Variants in PIK3CD observed in about 807,000 individuals in gnomAD.
PIK3CD encodes phosphatidylinositol 4,5-bisphosphate 3-kinase catalytic subunit delta isoform.
PIK3CD carries 20 observed loss-of-function variants against 122.9 expected under a neutral mutation model. That is an observed-to-expected ratio of 0.16 (90% CI 0.11 to 0.24). PIK3CD has a LOEUF of 0.24. PIK3CD is among the 10% of genes least tolerant of loss of function. The pLI, the probability that PIK3CD is intolerant of heterozygous loss-of-function variation, is 1.00. For missense variants in PIK3CD, 787 were observed against 1,406.3 expected (o/e 0.56, Z 7.04); for synonymous variants, 596 against 593.4 (o/e 1.00, Z -0.06).
the PIK3CD span, among the ~76,000 whole-genome samples, chr1:9,641,142 C>T: frequency 6.6e-6 from 1 of 152,094 alleles, no homozygotes; most frequent in African/African-American, 2.4e-5. Flanking sequence ...CAGGGGGTTG[C>T]GGGGGCGGCA....
At position 9,716,709 on chromosome 1, in the gene PIK3CD, C is replaced by T. The variant is rs1647521360; in HGVS notation, c.780+90C>T. ...TCGGGGAGCTGACATTTGGGCGCAC[C>T]TTGAGCCTGCCGAGCCAGGCCTTTG... On this transcript the variant is annotated intron_variant, in intron 6 of 23. Coordinates refer to ENST00000377346, the MANE Select transcript of PIK3CD (RefSeq NM_005026.5). The T allele has an allele frequency of 4.3e-6, 6 of 1,385,246 alleles. No homozygotes were observed. The Admixed American group carries it at 9.8e-5, about 23-fold the overall frequency. The allele number at this position is 1,385,246 out of a possible 1,614,324, so 85.8% of individuals were successfully genotyped here.
chr1:9,715,350 A>G lies in PIK3CD; in HGVS notation c.142-191A>G, dbSNP rs1647255274. Among the ~76,000 whole-genome samples, 9 of 152,188 alleles carry G rather than the reference A, an allele frequency of 5.9e-5. No homozygotes were observed. Among genetic ancestry groups the G allele is most frequent in the Admixed American group, 5.9e-4 (9 of 15,282 alleles). On this transcript the variant is annotated intron_variant, in intron 3 of 23. Transcript: ENST00000377346. This position sits in a 1 kb window ranked among gnomAD's most constrained non-coding sequence, Gnocchi z 4.1. Reference sequence around the variant, plus strand: ...CTCCCAGGTGCCCCCACAGAAGGGCATCAGTGGAGAAGCCTGTCCACCCAT... The same window carrying G: ...CTCCCAGGTGCCCCCACAGAAGGGCGTCAGTGGAGAAGCCTGTCCACCCAT...
At position 9,682,652 on chromosome 1, in the gene PIK3CD, C is replaced by T. The variant is rs140076654; in HGVS notation, c.-137-8815C>T. On this transcript the variant is annotated intron_variant, in intron 1 of 23. Coordinates refer to ENST00000377346, the MANE Select transcript of PIK3CD (RefSeq NM_005026.5). ...GCCATCTCCGCCTCCTGGGTTCAAG[C>T]GATTTTCCTGCCTCAGCTTCCCGAG... Among the ~76,000 whole-genome samples the T allele has an allele frequency of 1.3e-3, 195 of 152,220 alleles. 1 individual carries two copies. The highest frequency in any genetic ancestry group is 4.5e-3 in the African/African-American group (186 of 41,538).
In PIK3CD at chr1:9,722,412, GC is replaced by G; in HGVS notation, c.2347+57del. On this transcript the variant is annotated intron_variant, in intron 18 of 23. Transcript: ENST00000377346. The surrounding 1 kb of genome is among the most constrained non-coding windows in gnomAD (Gnocchi z 7.6). ...GTACTGCCCTGGGGGGTCCTGGGGT[GC>G]TCCTAGAGTGGGGGTGGAGAAGACA... 1 of 1,558,088 alleles carries G rather than the reference GC, an allele frequency of 6.4e-7. No homozygotes were observed. The highest frequency in any genetic ancestry group is 1.1e-5 in the South Asian group (1 of 89,490).
At chr1:9,726,861 C>G in intron 23 of PIK3CD, 48 bp from the exon 24 acceptor site, 1 of 1,612,488 alleles carries the variant, frequency 6.2e-7, no homozygotes, top group South Asian at 1.1e-5. Context: ...CATCCCAGAG[C>G]AAGGTCCGGG....
rs1165022869 is a variant in PIK3CD, at chr1:9,728,801, T to C, written c.*1755T>C. 3.3e-5 allele frequency: 5 copies of C among 152,272 alleles called. No individual in the cohort carries two copies. Among genetic ancestry groups the C allele is most frequent in the African/African-American group, 4.8e-5 (2 of 41,478 alleles). The allele number at this position is 152,272 out of a possible 1,614,324, so 9.4% of individuals were successfully genotyped here. ...CTGGCGAGAAGAATATTTTCTATTT[T>C]TTTAAGTCATTTCATGTTTCTGTCT... On this transcript the variant is annotated 3_prime_UTR_variant, in exon 24 of 24. Transcript: ENST00000377346.
chr1:9,666,332 C>A (rs565377392), intron 1 of PIK3CD, among the ~76,000 whole-genome samples: 4 of 147,984 alleles, frequency 2.7e-5, no homozygotes, highest in African/African-American at 1.0e-4. Flanking sequence ...CCTCTGCCCC[C>A]CCAGGTTCAA....
At chr1:9,691,023 C>G (rs1026097687) in intron 1 of PIK3CD, among the ~76,000 whole-genome samples, 3 of 152,176 alleles carry the variant, frequency 2.0e-5, no homozygotes, top group African/African-American at 7.2e-5. Context: ...CCCAATAGGG[C>G]ATGAATTTTC....
At chr1:9,648,925 AC>A (rs1285991481), upstream of PIK3CD, among the ~76,000 whole-genome samples, 3 of 152,072 alleles carry the variant, frequency 2.0e-5, no homozygotes, top group Non-Finnish European at 4.4e-5. Context: ...ACATGGTGAA[AC>A]CTCGTCTCTA....
At chr1:9,657,638 C>T (rs185361864) in intron 1 of PIK3CD, among the ~76,000 whole-genome samples, 77 of 152,228 alleles carry the variant, frequency 5.1e-4, no homozygotes, top group African/African-American at 1.7e-3. Flanking sequence ...CTTACTTTCC[C>T]TCCCCAACAA....
intron 1 of PIK3CD, among the ~76,000 whole-genome samples, chr1:9,664,884 TC>T (rs1489785799): frequency 5.3e-5 from 8 of 152,126 alleles, no homozygotes; most frequent in Non-Finnish European, 7.3e-5. Context: ...ACCTGAGATG[TC>T]CTGGGTATTT....
At chr1:9,690,066 C>T (rs1041418118) in intron 1 of PIK3CD, among the ~76,000 whole-genome samples, 3 of 152,182 alleles carry the variant, frequency 2.0e-5, no homozygotes, top group African/African-American at 7.2e-5. Flanking sequence ...CGCGCCTGTT[C>T]GGGGCAGGCT....
intron 1 of PIK3CD, among the ~76,000 whole-genome samples, chr1:9,660,676 G>A (rs1644985230): frequency 6.6e-6 from 1 of 152,064 alleles, no homozygotes; most frequent in African/African-American, 2.4e-5. Context: ...CAGGCTGAGC[G>A]TGGGCACACA....
intron 23 of PIK3CD, 68 bp from the exon 24 acceptor site, chr1:9,726,841 G>C: frequency 6.3e-7 from 1 of 1,597,376 alleles, no homozygotes; most frequent in South Asian, 1.1e-5. Context: ...GAAGTCCCCA[G>C]AGAGGGACGC....
At chr1:9,712,101 T>C (rs1455239479) in intron 3 of PIK3CD, among the ~76,000 whole-genome samples, 3 of 150,924 alleles carry the variant, frequency 2.0e-5, no homozygotes, top group Non-Finnish European at 4.4e-5. Context: ...AGATTTTGGT[T>C]TGTTGAATAA....
Position 9,722,429 on chromosome 1 carries a change from G to A in PIK3CD, c.2347+73G>A. On this transcript the variant is annotated intron_variant, in intron 18 of 23. Coordinates refer to ENST00000377346, the MANE Select transcript of PIK3CD (RefSeq NM_005026.5). This position sits in a 1 kb window ranked among gnomAD's most constrained non-coding sequence, Gnocchi z 7.6. ...CCTGGGGTGCTCCTAGAGTGGGGGT[G>A]GAGAAGACAGAATCCTGGGACTTAA... 1.3e-6 allele frequency: 2 copies of A among 1,539,646 alleles called. No homozygotes were observed. The highest frequency in any genetic ancestry group is 1.8e-6 in the Non-Finnish European group (2 of 1,114,022).
At chr1:9,683,124 C>CAA (rs756702134) in intron 1 of PIK3CD, among the ~76,000 whole-genome samples, 1,665 of 70,230 alleles carry the variant, frequency 0.024, 42 homozygotes, top group African/African-American at 0.076. Context: ...GACATTGTCT[C>CAA]AAAAAAAAAA....
chr1:9,706,552 TA>T (rs1340817794), intron 2 of PIK3CD, among the ~76,000 whole-genome samples: 5 of 152,116 alleles, frequency 3.3e-5, no homozygotes, highest in Non-Finnish European at 7.4e-5. Context: ...GTAGATTGGA[TA>T]AAATCTACAT....
rs551505722 is a variant in PIK3CD at position 9,652,330 on chromosome 1, G to A, written c.-138+528G>A. ...GAGAGAGGGCTGCGCACAGTTCGCC[G>A]GCGCCCGGGTCCTGTGCGCCCTTCC... is the stretch of plus-strand genomic sequence containing the variant. On this transcript the variant is annotated intron_variant, in intron 1 of 23. Transcript: ENST00000377346. The surrounding 1 kb of genome is among the most constrained non-coding windows in gnomAD (Gnocchi z 6.2). 3.3e-5 allele frequency among the ~76,000 whole-genome samples: 5 copies of A among 152,256 alleles called. No individual in the cohort carries two copies. In the South Asian group the frequency reaches 1.0e-3, roughly 32 times the overall value.
Sources: allele counts gnomAD v4.1 joint callset (sites outside exome capture counted in the v4.1 genomes callset), GRCh38; gene constraint gnomAD v4.1.1; non-coding constraint Gnocchi (gnomAD v3.1); transcripts MANE v1.5; gene names NCBI Gene and HGNC (gene_info 2026-07-23, HGNC 2026-07-21).